Variants in CCAR1 observed in about 807,000 individuals in gnomAD.
CCAR1 encodes cell division cycle and apoptosis regulator 1, also known as cell division cycle and apoptosis regulator protein 1.
A neutral mutation model predicts 163.8 loss-of-function variants in CCAR1; 78 were observed. The ratio of observed to expected loss-of-function variants is 0.48; its 90% CI spans 0.40 to 0.57. The LOEUF is 0.57. CCAR1 is among the 20% of genes least tolerant of loss of function. CCAR1 has a pLI of 0.00. For missense variants in CCAR1, 1,019 were observed against 1,365.2 expected (o/e 0.75, Z 4.00); for synonymous variants, 443 against 460.7 (o/e 0.96, Z 0.49).
chr10:68,749,541 A>G lies in CCAR1; in HGVS notation c.974A>G (p.Glu325Gly). Reference sequence around the variant, plus strand: ...GCTTTCAGTCGTGAGAGAGAGAGAGAAAGACGTAGATCGAGAGAAAGATCA... The same window carrying G: ...GCTTTCAGTCGTGAGAGAGAGAGAGGAAGACGTAGATCGAGAGAAAGATCA... Reference protein sequence around the residue: ...KDDRSRERERERRRSRERSPQ... With the variant: ...KDDRSRERERGRRRSRERSPQ... The change falls in exon 10 of 25, where the codon GAA (glutamate) becomes GGA (glycine). Residue 325 changes from glutamate (E) to glycine (G), a missense_variant. By Grantham distance (98) the Glu-to-Gly change is moderately conservative (BLOSUM62 -2). Coordinates refer to ENST00000265872, the MANE Select transcript of CCAR1 (RefSeq NM_018237.4). The G allele has an allele frequency of 1.9e-6, 3 of 1,613,044 alleles. No individual in the cohort carries two copies. The highest frequency in any genetic ancestry group is 2.5e-6 in the Non-Finnish European group (3 of 1,179,552).
intron 6 of CCAR1, among the ~76,000 whole-genome samples, chr10:68,743,206 T>G (rs1213002836): frequency 2.6e-5 from 4 of 151,472 alleles, no homozygotes; most frequent in Non-Finnish European, 5.9e-5. Flanking sequence ...TTTTCTTTTT[T>G]TTTTTTTTGA....
At chr10:68,721,967 T>G (rs773261064) in intron 1 of CCAR1, among the ~76,000 whole-genome samples, 1 of 152,180 alleles carries the variant, frequency 6.6e-6, no homozygotes, top group Non-Finnish European at 1.5e-5. Flanking sequence ...CCTTTTCTAC[T>G]TTGGAAAGTA....
Position 68,760,475 on chromosome 10 carries a change from C to A in CCAR1, c.1921-532C>A, listed in dbSNP as rs577467871. ...AAGAACATTTAAAAAAATTTTTATG[C>A]ATGTTAAAATGTTTTATTTTCTAAA... On this transcript the variant is annotated intron_variant, in intron 15 of 24. Coordinates refer to ENST00000265872, the MANE Select transcript of CCAR1 (RefSeq NM_018237.4). 5.9e-5 allele frequency among the ~76,000 whole-genome samples: 9 copies of A among 152,246 alleles called. No individual in the cohort carries two copies. The East Asian group carries it at 1.7e-3, about 29-fold the overall frequency.
At chr10:68,732,728 AT>A (rs201560753) in intron 2 of CCAR1, among the ~76,000 whole-genome samples, 1,674 of 152,202 alleles carry the variant, frequency 0.011, 16 homozygotes, top group Middle Eastern at 0.031. Flanking sequence ...TTTATCTTCC[AT>A]TTTGCATACG....
At chr10:68,782,260 A>G (rs1267969795) in intron 19 of CCAR1, among the ~76,000 whole-genome samples, 2 of 152,148 alleles carry the variant, frequency 1.3e-5, no homozygotes, top group Non-Finnish European at 2.9e-5. Flanking sequence ...TGGATTCATG[A>G]GGTTTAAGGA....
At chr10:68,776,779 G>A (rs1186765084) in intron 19 of CCAR1, among the ~76,000 whole-genome samples, 1 of 152,078 alleles carries the variant, frequency 6.6e-6, no homozygotes, top group East Asian at 1.9e-4. Context: ...GACCTCCTTG[G>A]CTTCAAGCAG....
chr10:68,748,753 A>C lies in CCAR1; in HGVS notation c.827-383A>C, dbSNP rs2056292509. Among the ~76,000 whole-genome samples, 3 of 151,944 alleles carry C rather than the reference A, an allele frequency of 2.0e-5. No homozygotes were observed. In the South Asian group the frequency reaches 6.2e-4, roughly 32 times the overall value. On this transcript the variant is annotated intron_variant, in intron 8 of 24. Transcript: ENST00000265872. ...TTTGGAGACAAGGTATTGGTCTGTC[A>C]CTGAGGCATAGGTGCAGTGGTATGA...
chr10:68,738,758 G>A (rs2056145669), intron 4 of CCAR1, among the ~76,000 whole-genome samples: 1 of 152,002 alleles, frequency 6.6e-6, no homozygotes. Flanking sequence ...CAAAATGGGA[G>A]AAAGTTGGTG....
chr10:68,740,560 T>A (rs1019530557), intron 4 of CCAR1, 69 bp from the exon 5 acceptor site: 9 of 1,176,496 alleles, frequency 7.6e-6, no homozygotes, highest in Non-Finnish European at 1.1e-5. Context: ...TTATTTCTTT[T>A]ATGAAGCATC....
At chr10:68,751,016 CT>C (rs1316415816) in intron 10 of CCAR1, among the ~76,000 whole-genome samples, 11 of 146,132 alleles carry the variant, frequency 7.5e-5, no homozygotes, top group Admixed American at 1.4e-4. Flanking sequence ...TCAGCACCTA[CT>C]TTTTTTTTTG....
intron 19 of CCAR1, among the ~76,000 whole-genome samples, chr10:68,783,023 GAC>G (rs2056754934): frequency 3.3e-5 from 4 of 119,914 alleles, no homozygotes; most frequent in African/African-American, 1.3e-4. Flanking sequence ...TTTTTTTTGA[GAC>G]AGGGTTTCAC....
At chr10:68,774,013 C>T (rs1380457188) in intron 19 of CCAR1, among the ~76,000 whole-genome samples, 2 of 152,020 alleles carry the variant, frequency 1.3e-5, no homozygotes, top group Non-Finnish European at 2.9e-5. Context: ...CTGCCTCAGC[C>T]TCCCAAGTAG....
At chr10:68,724,311 T>A (rs192529479) in intron 2 of CCAR1, among the ~76,000 whole-genome samples, 78 of 151,862 alleles carry the variant, frequency 5.1e-4, no homozygotes, top group African/African-American at 1.7e-3. Context: ...CTAAAAAATA[T>A]AAAAGTTAGC....
chr10:68,759,047 T>C (rs1013296382), intron 15 of CCAR1, among the ~76,000 whole-genome samples: 1 of 152,130 alleles, frequency 6.6e-6, no homozygotes, highest in Non-Finnish European at 1.5e-5. Flanking sequence ...GATTGGCTGA[T>C]TGCTTATTGT....
rs1007608264 is a variant in CCAR1, at chr10:68,742,278, G to A, written c.325-98G>A. 6 of 861,522 alleles carry A rather than the reference G, an allele frequency of 7.0e-6. No individual in the cohort carries two copies. The African/African-American group carries it at 1.0e-4, about 15-fold the overall frequency. The allele number at this position is 861,522 out of a possible 1,614,324, so 53.4% of individuals were successfully genotyped here. A position where few individuals can be genotyped will look rare whatever the true frequency, so the allele number is the denominator to read the frequency against. On this transcript the variant is annotated intron_variant, in intron 5 of 24. Transcript: ENST00000265872. ...ACATGTATATCTTCTAACATAATAT[G>A]AAATTTTTAACATTCTGGGTTAGTT...
intron 6 of CCAR1, among the ~76,000 whole-genome samples, chr10:68,746,362 C>T (rs898229206): frequency 1.1e-4 from 17 of 151,850 alleles, no homozygotes; most frequent in Admixed American, 4.6e-4. Flanking sequence ...CTGCAACCTC[C>T]GCCTCTCGGG....
At position 68,730,082 on chromosome 10, in the gene CCAR1, C is replaced by G. The variant is rs536971808; in HGVS notation, c.74-6794C>G. Among the ~76,000 whole-genome samples the G allele has an allele frequency of 5.3e-5, 8 of 151,894 alleles. No individual in the cohort carries two copies. The East Asian group carries it at 1.6e-3, about 30-fold the overall frequency. On this transcript the variant is annotated intron_variant, in intron 2 of 24. Coordinates refer to ENST00000265872, the MANE Select transcript of CCAR1 (RefSeq NM_018237.4). ...TTATAGGCACACGTGCCACCACACC[C>G]AGCTAATTTTTGTATTTTTAGTAGA...
chr10:68,783,623 A>T (rs1345925967), intron 19 of CCAR1, among the ~76,000 whole-genome samples: 2 of 152,152 alleles, frequency 1.3e-5, no homozygotes, highest in Non-Finnish European at 2.9e-5. Flanking sequence ...CTCATGGATG[A>T]CTTTGAAGGG....
At chr10:68,781,376 C>T (rs2056733352) in intron 19 of CCAR1, among the ~76,000 whole-genome samples, 1 of 151,888 alleles carries the variant, frequency 6.6e-6, no homozygotes, top group South Asian at 2.1e-4. Context: ...AACTCCGTCT[C>T]TACTAAAAAT....
Sources: gnomAD v4.1 joint callset for allele counts (sites outside exome capture counted in the v4.1 genomes callset) on GRCh38, gnomAD v4.1.1 for gene constraint, MANE v1.5 for transcripts, NCBI Gene and HGNC (gene_info 2026-07-23, HGNC 2026-07-21) for gene names.